FYCO1: variants seen among roughly 807,000 people sequenced by gnomAD.
The protein encoded by FYCO1 is FYVE and coiled-coil domain autophagy adaptor 1, also known as FYVE and coiled-coil domain-containing protein 1.
In FYCO1, 122 loss-of-function variants were observed where a neutral mutation model predicts 165.1. The ratio of observed to expected loss-of-function variants is 0.74; its 90% confidence interval spans 0.64 to 0.86. FYCO1 has a LOEUF of 0.86. FYCO1 is among the 40% of genes least tolerant of loss of function. FYCO1 has a pLI of 0.00. For synonymous variants in FYCO1, 648 were observed against 742.5 expected (o/e 0.87, Z 2.07); for missense variants, 1,702 against 1,810.3 (o/e 0.94, Z 1.09).
chr3:45,957,383 CAG>C (rs1233874805), intron 13 of FYCO1, among the ~76,000 whole-genome samples: 2 of 152,282 alleles, frequency 1.3e-5, no homozygotes, highest in African/African-American at 4.8e-5. Context: ...TTATGCATAA[CAG>C]AAAAAACCTG....
chr3:45,926,037 A>G (rs1050441350), intron 16 of FYCO1, among the ~76,000 whole-genome samples: 2 of 152,260 alleles, frequency 1.3e-5, no homozygotes, highest in African/African-American at 4.8e-5. Context: ...AATGCAGGAT[A>G]GTGATCCCTG....
At chr3:45,965,365 G>A (rs1705949448) in intron 8 of FYCO1, among the ~76,000 whole-genome samples, 1 of 152,200 alleles carries the variant, frequency 6.6e-6, no homozygotes, top group African/African-American at 2.4e-5. Context: ...TTGGCTATAA[G>A]CCACATGGAG....
intron 14 of FYCO1, chr3:45,938,349 C>G: frequency 1.6e-6 from 1 of 635,080 alleles, no homozygotes; most frequent in Non-Finnish European, 2.5e-6. Context: ...GGTTTTCAAA[C>G]TGTAGGTCAT....
At chr3:45,925,588 C>G (rs1190910675) in intron 16 of FYCO1, among the ~76,000 whole-genome samples, 1 of 152,176 alleles carries the variant, frequency 6.6e-6, no homozygotes, top group Non-Finnish European at 1.5e-5. Context: ...ATCTTGAACA[C>G]AGCTGCATCT....
At chr3:45,952,888 A>G (rs1440923828) in intron 14 of FYCO1, among the ~76,000 whole-genome samples, 2 of 152,102 alleles carry the variant, frequency 1.3e-5, no homozygotes, top group Non-Finnish European at 2.9e-5. Context: ...GCTTAGTGCT[A>G]GTGGAATGGA....
At chr3:45,978,955 C>T (rs1471279664) in intron 4 of FYCO1, among the ~76,000 whole-genome samples, 1 of 150,024 alleles carries the variant, frequency 6.7e-6, no homozygotes, top group Non-Finnish European at 1.5e-5. Flanking sequence ...CTCCCGGGTT[C>T]ACGCCATTCT....
In FYCO1 at chr3:45,968,083, G is replaced by A. The variant is rs752908224; in HGVS notation, c.1251C>T (p.Val417=). 8.1e-6 allele frequency: 13 copies of A among 1,614,086 alleles called. No homozygotes were observed. Among genetic ancestry groups the A allele is most frequent in the Middle Eastern group, 3.3e-4 (2 of 6,062 alleles). The part of the protein sequence containing the change: ...LQALERERTK[V]EEVNRQQSAQ... ...CACTCTGCTGTCTGTTGACCTCCTC[G>A]ACCTTGGTTCTCTCCCTTTCTAGGG... Residue 417 remains valine (V), a synonymous_variant, in exon 8 of 18, where the codon GTC becomes GTT. Coordinates refer to ENST00000296137, the MANE Select transcript of FYCO1 (RefSeq NM_024513.4).
intron 7 of FYCO1, among the ~76,000 whole-genome samples, chr3:45,969,264 G>GT: frequency 6.6e-6 from 1 of 152,190 alleles, no homozygotes; most frequent in East Asian, 1.9e-4. Context: ...TGTCAAGCCC[G>GT]TAAGTACTTA....
rs553403281 is a variant in FYCO1, at chr3:45,980,671, A to G, written c.163-841T>C. Among the ~76,000 whole-genome samples the G allele has an allele frequency of 3.3e-5, 5 of 152,356 alleles. No homozygotes were observed. The East Asian group carries it at 9.6e-4, about 29-fold the overall frequency. ...GGCCTTTCCTCTAGTGGGCCCGCAT[A>G]CTACGTGCTTTGGTGGGATGTGACG... On this transcript the variant is annotated intron_variant, in intron 3 of 17. Coordinates refer to ENST00000296137, the MANE Select transcript of FYCO1 (RefSeq NM_024513.4).
At chr3:45,949,335 G>A (rs1176521349) in intron 14 of FYCO1, among the ~76,000 whole-genome samples, 1 of 152,168 alleles carries the variant, frequency 6.6e-6, no homozygotes, top group Non-Finnish European at 1.5e-5. Flanking sequence ...CCCCCTTTGT[G>A]CATTCATGTT....
Position 45,918,228 on chromosome 3 carries a change from C to T in FYCO1, c.*3537G>A, listed in dbSNP as rs1178954956. ...AGGCAGAGTGTCTCTGCATAACATA[C>T]ATCAAGCAGCCTTTTTCTTTTTTTA... On this transcript the variant is annotated 3_prime_UTR_variant, in exon 18 of 18. Coordinates refer to ENST00000296137, the MANE Select transcript of FYCO1 (RefSeq NM_024513.4). 2.0e-5 allele frequency: 3 copies of T among 152,638 alleles called. No individual in the cohort carries two copies. Among genetic ancestry groups the T allele is most frequent in the Non-Finnish European group, 2.9e-5 (2 of 68,040 alleles). The allele number at this position is 152,638 out of a possible 1,614,324, so 9.5% of individuals were successfully genotyped here. A position where few individuals can be genotyped will look rare whatever the true frequency, so the allele number is the denominator to read the frequency against.
At chr3:45,965,404 G>A (rs1705953274) in intron 8 of FYCO1, among the ~76,000 whole-genome samples, 1 of 152,200 alleles carries the variant, frequency 6.6e-6, no homozygotes, top group Non-Finnish European at 1.5e-5. Flanking sequence ...CACTGGGTGG[G>A]GAGGCACATC....
chr3:45,956,664 C>T (rs1252911158), intron 13 of FYCO1, among the ~76,000 whole-genome samples: 2 of 152,096 alleles, frequency 1.3e-5, no homozygotes, highest in African/African-American at 4.8e-5. Context: ...TTCAGCCACA[C>T]TCCTGAACCT....
At chr3:45,974,131 C>T (rs142957484) in intron 5 of FYCO1, among the ~76,000 whole-genome samples, 1,784 of 152,250 alleles carry the variant, frequency 0.012, 45 homozygotes, top group African/African-American at 0.04. Context: ...GTAATCCTAG[C>T]ACTTTGGGAG....
chr3:45,932,642 G>A (rs1258640555), intron 15 of FYCO1, among the ~76,000 whole-genome samples: 4 of 152,160 alleles, frequency 2.6e-5, no homozygotes, highest in Non-Finnish European at 5.9e-5. Flanking sequence ...GGTGCTGAGC[G>A]TTCATCTGCC....
intron 14 of FYCO1, among the ~76,000 whole-genome samples, chr3:45,938,701 C>T (rs995256290): frequency 6.6e-6 from 1 of 152,200 alleles, no homozygotes; most frequent in African/African-American, 2.4e-5. Context: ...ACCATGTTGG[C>T]CAGGATGGTC....
At chr3:45,933,985 A>C (rs1703762680) in intron 15 of FYCO1, among the ~76,000 whole-genome samples, 1 of 150,162 alleles carries the variant, frequency 6.7e-6, no homozygotes. Context: ...TAATTACAAT[A>C]ACCAAAATAA....
chr3:45,975,212 C>T (rs2125862010), intron 5 of FYCO1, 27 bp downstream of exon 5: 1 of 1,501,054 alleles, frequency 6.7e-7, no homozygotes. Context: ...GGGATGATCC[C>T]AAACCCCAGC....
At chr3:45,923,849 G>A in intron 16 of FYCO1, 84 bp from the exon 17 acceptor site, 1 of 921,284 alleles carries the variant, frequency 1.1e-6, no homozygotes, top group Non-Finnish European at 1.8e-6. Context: ...TTATTTTGGG[G>A]TAGGAGGCTG....
Sources: allele counts gnomAD v4.1 joint callset (sites outside exome capture counted in the v4.1 genomes callset), GRCh38; gene constraint gnomAD v4.1.1; transcripts MANE v1.5; gene names NCBI Gene and HGNC (gene_info 2026-07-23, HGNC 2026-07-21).